The following GRIK1 variants were observed in gnomAD, a reference collection of about 807,000 sequenced individuals.
GRIK1 encodes the protein glutamate receptor ionotropic, kainate 1.
A neutral mutation model predicts 105.7 loss-of-function variants in GRIK1; 69 were observed. The observed-to-expected ratio is 0.65, with a 90% CI of 0.54 to 0.80. The LOEUF (loss-of-function observed/expected upper bound fraction) is 0.80, where lower values mean the gene tolerates loss of function less well. Among genes scored for constraint, GRIK1 ranks in the 30% least tolerant of loss-of-function variants. GRIK1 has a pLI of 0.00. For missense variants in GRIK1, 1,109 were observed against 1,167.3 expected (o/e 0.95, Z 0.73); for synonymous variants, 438 against 431.3 (o/e 1.02, Z -0.19).
At chr21:29,558,479 T>C (rs965244843) in intron 15 of GRIK1, among the ~76,000 whole-genome samples, 1 of 151,696 alleles carries the variant, frequency 6.6e-6, no homozygotes, top group Non-Finnish European at 1.5e-5. Flanking sequence ...TTCCAACAGC[T>C]GTATTCTCAA....
chr21:29,887,309 T>G (rs997832508), intron 1 of GRIK1, among the ~76,000 whole-genome samples: 1 of 152,174 alleles, frequency 6.6e-6, no homozygotes, highest in Admixed American at 6.5e-5. Flanking sequence ...TGGAAGAATA[T>G]GGGGGTACAG....
At chr21:29,802,478 T>C (rs1438068701) in intron 1 of GRIK1, among the ~76,000 whole-genome samples, 1 of 152,090 alleles carries the variant, frequency 6.6e-6, no homozygotes, top group Non-Finnish European at 1.5e-5. Context: ...AAAAAAAATA[T>C]TGCTCTTGTT....
intron 1 of GRIK1, among the ~76,000 whole-genome samples, chr21:29,936,964 C>G (rs562283171): frequency 1.3e-5 from 2 of 152,106 alleles, no homozygotes; most frequent in South Asian, 2.1e-4. Context: ...ATCTAGAGAC[C>G]CTTTTTATTG....
chr21:29,643,772 G>C (rs992505538), intron 6 of GRIK1, among the ~76,000 whole-genome samples: 2 of 152,132 alleles, frequency 1.3e-5, no homozygotes, highest in African/African-American at 4.8e-5. Flanking sequence ...TTTCACTTGA[G>C]GGTTTCATTG....
chr21:29,605,125 G>C (rs186464665), intron 7 of GRIK1, among the ~76,000 whole-genome samples: 1 of 152,038 alleles, frequency 6.6e-6, no homozygotes, highest in Non-Finnish European at 1.5e-5. Flanking sequence ...ACAGGTAAAC[G>C]TGTGCCATGG....
chr21:29,854,042 A>G (rs2146059633), intron 1 of GRIK1, among the ~76,000 whole-genome samples: 1 of 152,264 alleles, frequency 6.6e-6, no homozygotes, highest in East Asian at 1.9e-4. Flanking sequence ...GTGTTGCTAT[A>G]CAGGAATACC....
intron 1 of GRIK1, among the ~76,000 whole-genome samples, chr21:29,700,179 G>A (rs1027279407): frequency 2.0e-5 from 3 of 152,128 alleles, no homozygotes; most frequent in Admixed American, 6.5e-5. Context: ...GAAGTGCAGC[G>A]AGGACGTAGG....
intron 4 of GRIK1, among the ~76,000 whole-genome samples, chr21:29,662,277 C>T (rs142566999): frequency 2.1e-3 from 324 of 152,298 alleles, no homozygotes; most frequent in Non-Finnish European, 3.6e-3. Flanking sequence ...GGAGTGCAGA[C>T]TGTTGAGAAC....
chr21:29,819,195 A>G (rs1870185055), intron 1 of GRIK1, among the ~76,000 whole-genome samples: 1 of 152,140 alleles, frequency 6.6e-6, no homozygotes, highest in Admixed American at 6.6e-5. Context: ...GTAGGCATGG[A>G]TGATGATTAT....
At chr21:29,932,891 A>G (rs868597639) in intron 1 of GRIK1, among the ~76,000 whole-genome samples, 33 of 151,830 alleles carry the variant, frequency 2.2e-4, no homozygotes, top group African/African-American at 7.7e-4. Flanking sequence ...TTTTCAATTT[A>G]AAACAATGTT....
rs563659162 is a variant in GRIK1 at position 29,623,888 on chromosome 21, A to C, written c.1098+18938T>G. 4.6e-5 allele frequency among the ~76,000 whole-genome samples: 7 copies of C among 152,336 alleles called. No homozygotes were observed. In the East Asian group the frequency reaches 1.2e-3, roughly 25 times the overall value. On this transcript the variant is annotated intron_variant, in intron 7 of 17. Transcript: ENST00000327783. The stretch of plus-strand genomic sequence containing the variant: ...GCCAAAGTAATCTTTCATAGAGAGA[A>C]TTTCATTTATTGTCTTTATTTTTGA...
At chr21:29,675,610 A>C (rs2063250497) in intron 3 of GRIK1, among the ~76,000 whole-genome samples, 1 of 152,142 alleles carries the variant, frequency 6.6e-6, no homozygotes, top group African/African-American at 2.4e-5. Context: ...CTGGATGCTC[A>C]TTAGATGCCA....
In GRIK1 at chr21:29,642,860, CGCCATGGCTTAT is replaced by C. The variant is rs2062540817; in HGVS notation, c.1052_1063del (p.His351_Trp354del). On this transcript the variant is annotated inframe_deletion, in exon 7 of 18. Transcript: ENST00000327783. ...CAGGTTCATAAATCTGGGTCCGAGG[CGCCATGGCTTAT>C]GTCTATGGCACTGCAGGGAGCTGAC... is the stretch of plus-strand genomic sequence containing the variant. The C allele has an allele frequency of 6.2e-7, 1 of 1,613,774 alleles. No homozygotes were observed. The highest frequency in any genetic ancestry group is 1.3e-5 in the African/African-American group (1 of 74,916).
At chr21:29,620,848 ATATC>A (rs1568897914) in intron 7 of GRIK1, among the ~76,000 whole-genome samples, 1 of 143,166 alleles carries the variant, frequency 7.0e-6, no homozygotes, top group African/African-American at 2.6e-5. Flanking sequence ...CATAAAATAT[ATATC>A]ATATGTAGTT....
intron 14 of GRIK1, among the ~76,000 whole-genome samples, chr21:29,573,676 C>A (rs973893959): frequency 7.2e-5 from 11 of 151,904 alleles, no homozygotes; most frequent in African/African-American, 2.7e-4. Flanking sequence ...ATGGTGAAAC[C>A]CCAACTCTAT....
intron 1 of GRIK1, among the ~76,000 whole-genome samples, chr21:29,866,687 G>T (rs116348073): frequency 0.013 from 1,962 of 152,168 alleles, 44 homozygotes; most frequent in African/African-American, 0.044. Context: ...TAATGAAGAC[G>T]TCAAAGATTA....
chr21:29,867,016 G>A (rs1297510789), intron 1 of GRIK1, among the ~76,000 whole-genome samples: 1 of 152,150 alleles, frequency 6.6e-6, no homozygotes, highest in African/African-American at 2.4e-5. Context: ...TTTGTATTCT[G>A]TCCTTTATGT....
At chr21:29,881,963 G>A (rs1250336927) in intron 1 of GRIK1, among the ~76,000 whole-genome samples, 1 of 152,110 alleles carries the variant, frequency 6.6e-6, no homozygotes, top group African/African-American at 2.4e-5. Context: ...TCGGAGGCAG[G>A]AATTCAAAAA....
At chr21:29,626,663 AATTGATTC>A (rs1284527293) in intron 7 of GRIK1, among the ~76,000 whole-genome samples, 1 of 152,140 alleles carries the variant, frequency 6.6e-6, no homozygotes, top group East Asian at 1.9e-4. Context: ...AGTTTTTGCT[AATTGATTC>A]ATGCACTCCA....
Sources: gnomAD v4.1 joint callset for allele counts (sites outside exome capture counted in the v4.1 genomes callset) on GRCh38, gnomAD v4.1.1 for gene constraint, MANE v1.5 for transcripts, NCBI Gene and HGNC (gene_info 2026-07-23, HGNC 2026-07-21) for gene names.